Variants in VAC14 observed in about 807,000 individuals in gnomAD.
The protein encoded by VAC14 is VAC14 component of PIKFYVE complex.
Under a neutral mutation model 85.3 loss-of-function variants are expected in VAC14, and 47 were observed. That is an observed-to-expected ratio of 0.55 (90% CI 0.44 to 0.70). The LOEUF (loss-of-function observed/expected upper bound fraction) is 0.70, where lower values mean the gene tolerates loss of function less well. Ranked by LOEUF, VAC14 falls within the 30% of genes least tolerant of loss-of-function variation. The pLI is 0.00. For missense variants in VAC14, 861 were observed against 1,004.3 expected (o/e 0.86, Z 1.93); for synonymous variants, 447 against 430.5 (o/e 1.04, Z -0.47).
intron 1 of VAC14, among the ~76,000 whole-genome samples, chr16:70,798,037 A>G (rs1273390967): frequency 6.6e-6 from 1 of 152,238 alleles, no homozygotes; most frequent in Non-Finnish European, 1.5e-5. Flanking sequence ...AGACTAACAC[A>G]GCACTTTACA....
intron 1 of VAC14, among the ~76,000 whole-genome samples, chr16:70,791,010 C>T (rs751937531): frequency 1.6e-4 from 25 of 152,198 alleles, no homozygotes; most frequent in Non-Finnish European, 3.4e-4. Context: ...ATCTGTTCCA[C>T]GAATCAAGCC....
At chr16:70,700,965 G>A (rs1202068772) in intron 14 of VAC14, among the ~76,000 whole-genome samples, 1 of 152,236 alleles carries the variant, frequency 6.6e-6, no homozygotes, top group Non-Finnish European at 1.5e-5. Context: ...AGGCTGAGGA[G>A]GGTGCGGAGG....
In VAC14 at chr16:70,800,767, T is replaced by A. The variant is rs199596200; in HGVS notation, c.104+30A>T. The A allele has an allele frequency of 4.2e-5, 66 of 1,584,554 alleles. No homozygotes were observed. The East Asian group carries it at 1.3e-3, about 32-fold the overall frequency. On this transcript the variant is annotated intron_variant, in intron 1 of 18. Transcript: ENST00000261776. ...GGGAGCAGAGCAGTCAGGGGCTGCA[T>A]AGCCAGGGAGGGGTCCTGGCGGCTC...
intron 14 of VAC14, among the ~76,000 whole-genome samples, chr16:70,709,004 C>A (rs1597865836): frequency 6.6e-6 from 1 of 152,322 alleles, no homozygotes; most frequent in South Asian, 2.1e-4. Flanking sequence ...CTGAGAAGTG[C>A]CCAAGCCCTT....
rs1354325306 is a variant in VAC14, at chr16:70,772,119, T to C, written c.1150A>G (p.Thr384Ala). Residue 384 changes from threonine (T) to alanine (A), a missense_variant, in exon 10 of 19, where the codon ACT (threonine) becomes GCT (alanine). By Grantham distance (58) the Thr-to-Ala change is moderately conservative (BLOSUM62 0). Transcript: ENST00000261776. Reference sequence around the variant, plus strand: ...AAACAAGCCACTTACCTGGCTGCAGTGAAGACACTGATGCCGCTACTGAAG... The same window carrying C: ...AAACAAGCCACTTACCTGGCTGCAGCGAAGACACTGATGCCGCTACTGAAG... ...SSFSSGISVF[T>A]AASTERAPVT... 6.2e-7 allele frequency: 1 copy of C among 1,613,912 alleles called. No individual in the cohort carries two copies. The highest frequency in any genetic ancestry group is 1.3e-5 in the African/African-American group (1 of 74,906).
At chr16:70,760,537 C>T (rs2032242920) in intron 12 of VAC14, among the ~76,000 whole-genome samples, 2 of 143,174 alleles carry the variant, frequency 1.4e-5, no homozygotes, top group African/African-American at 5.8e-5. Context: ...CTCTTCACTG[C>T]TGTTATGGTA....
chr16:70,784,939 G>T, intron 3 of VAC14, 101 bp from the exon 4 acceptor site: 2 of 994,792 alleles, frequency 2.0e-6, no homozygotes, highest in Non-Finnish European at 3.2e-6. Flanking sequence ...CCTTGGTGCA[G>T]CCCAGAACAT....
chr16:70,749,837 A>C (rs1013985708), intron 12 of VAC14, among the ~76,000 whole-genome samples: 5 of 152,152 alleles, frequency 3.3e-5, no homozygotes, highest in African/African-American at 9.7e-5. Flanking sequence ...TGGAGCACCA[A>C]TCTCGATGCA....
chr16:70,796,713 C>A (rs1260420783), intron 1 of VAC14, among the ~76,000 whole-genome samples: 3 of 152,200 alleles, frequency 2.0e-5, no homozygotes, highest in Non-Finnish European at 4.4e-5. Context: ...ATCCTCCCAA[C>A]CATCCAAAAT....
chr16:70,787,617 T>C (rs936474981), intron 1 of VAC14, among the ~76,000 whole-genome samples: 27 of 151,894 alleles, frequency 1.8e-4, no homozygotes, highest in African/African-American at 6.3e-4. Context: ...GTGGCAGGAG[T>C]GCCCCAGATC....
At chr16:70,690,023 T>A (rs894640119) in intron 18 of VAC14, 1 of 985,256 alleles carries the variant, frequency 1.0e-6, no homozygotes, top group Admixed American at 6.1e-5. Context: ...TTGCTCCCCA[T>A]GACACTCCTG....
At chr16:70,786,710 T>TGCATCTCAGAAATTCTCCGCGTCTGA (rs1465448356) in intron 1 of VAC14, among the ~76,000 whole-genome samples, 8 of 152,244 alleles carry the variant, frequency 5.3e-5, no homozygotes, top group African/African-American at 1.9e-4. Context: ...TTTCCATTCG[T>TGCATCTCAGAAATTCTCCGCGTCTGA]GCATCTCAGA....
intron 7 of VAC14, 96 bp from the exon 8 acceptor site, chr16:70,782,099 T>C (rs2033842207): frequency 6.6e-6 from 10 of 1,503,938 alleles, no homozygotes; most frequent in Non-Finnish European, 8.9e-6. Flanking sequence ...TGGCGGCCTG[T>C]GGAACCCAAG....
At chr16:70,786,023 G>A in intron 2 of VAC14, 154 bp from the exon 3 acceptor site, 1 of 1,326,576 alleles carries the variant, frequency 7.5e-7, no homozygotes, top group East Asian at 2.4e-5. Context: ...TCATTCCCAG[G>A]AGAGGGCCCA....
intron 14 of VAC14, chr16:70,714,310 G>T (rs1033671215): frequency 6.6e-6 from 1 of 152,284 alleles, no homozygotes; most frequent in Non-Finnish European, 1.5e-5. Flanking sequence ...GCGAGGGTCA[G>T]GGACTGGGAA....
chr16:70,698,503 C>T, intron 15 of VAC14, 134 bp downstream of exon 15: 3 of 1,088,748 alleles, frequency 2.8e-6, no homozygotes, highest in Non-Finnish European at 3.9e-6. Context: ...TCCCAGTGGA[C>T]CAGGGGAAGT....
chr16:70,710,723 C>A (rs995825530), intron 14 of VAC14, among the ~76,000 whole-genome samples: 1 of 152,254 alleles, frequency 6.6e-6, no homozygotes, highest in Non-Finnish European at 1.5e-5. Flanking sequence ...TCGGCAGGGC[C>A]CACACTCGGC....
chr16:70,705,127 C>T (rs1261442422), intron 14 of VAC14, among the ~76,000 whole-genome samples: 3 of 152,214 alleles, frequency 2.0e-5, no homozygotes, highest in East Asian at 3.8e-4. Context: ...ACTGGCCCCC[C>T]GCCCCCACCT....
At chr16:70,777,526 G>C (rs2033582053) in intron 9 of VAC14, among the ~76,000 whole-genome samples, 1 of 152,140 alleles carries the variant, frequency 6.6e-6, no homozygotes, top group African/African-American at 2.4e-5. Flanking sequence ...GTCCTGGAGG[G>C]GACCAGGCTG....
Sources: allele counts gnomAD v4.1 joint callset (sites outside exome capture counted in the v4.1 genomes callset), GRCh38; gene constraint gnomAD v4.1.1; transcripts MANE v1.5; gene names NCBI Gene and HGNC (gene_info 2026-07-23, HGNC 2026-07-21).